ARHGAP24: variants seen among roughly 807,000 people sequenced by gnomAD.
ARHGAP24 encodes the protein Rho GTPase activating protein 24, also known as rho GTPase-activating protein 24.
In ARHGAP24, 50 loss-of-function variants were observed where a neutral mutation model predicts 76.4. The observed-to-expected ratio is 0.65, with a 90% CI of 0.52 to 0.83. ARHGAP24 has a LOEUF of 0.83. Ranked by LOEUF, ARHGAP24 falls within the 40% of genes least tolerant of loss-of-function variation. The pLI is 0.00. For missense variants in ARHGAP24, 930 were observed against 914.2 expected, an observed-to-expected ratio of 1.02 and a Z score of -0.22; for synonymous variants, 345 against 323.3, an observed-to-expected ratio of 1.07 and a Z score of -0.72.
intron 3 of ARHGAP24, among the ~76,000 whole-genome samples, chr4:85,858,655 G>T (rs1237030445): frequency 1.3e-5 from 2 of 152,032 alleles, no homozygotes; most frequent in Non-Finnish European, 2.9e-5. Flanking sequence ...CTTTGCCTCT[G>T]TAGACAAGAT....
At chr4:85,559,136 A>C (rs72654093) in intron 1 of ARHGAP24, among the ~76,000 whole-genome samples, 6,844 of 152,266 alleles carry the variant, frequency 0.045, 203 homozygotes, top group Middle Eastern at 0.099. Flanking sequence ...TACGGGCTTC[A>C]GCTTTCCTCT....
At chr4:85,854,149 A>G (rs929405410) in intron 3 of ARHGAP24, among the ~76,000 whole-genome samples, 12 of 151,512 alleles carry the variant, frequency 7.9e-5, no homozygotes, top group East Asian at 5.8e-4. Context: ...AAAAAAAAAA[A>G]AAAAAAGAAA....
At chr4:85,573,717 A>G (rs2109965887) in intron 2 of ARHGAP24, among the ~76,000 whole-genome samples, 1 of 152,258 alleles carries the variant, frequency 6.6e-6, no homozygotes, top group South Asian at 2.1e-4. Context: ...GTCATTTTGT[A>G]TTTGTGTGTT....
intron 4 of ARHGAP24, among the ~76,000 whole-genome samples, chr4:85,932,733 A>G (rs1244735711): frequency 6.6e-6 from 1 of 152,128 alleles, no homozygotes; most frequent in East Asian, 1.9e-4. Context: ...TTTATTTACA[A>G]AGCTGTATTC....
At chr4:85,728,497 T>C (rs140482834) in intron 3 of ARHGAP24, among the ~76,000 whole-genome samples, 1,998 of 152,322 alleles carry the variant, frequency 0.013, 37 homozygotes, top group African/African-American at 0.045. Context: ...TTATCTGTTA[T>C]ACCAATCAGT....
intron 2 of ARHGAP24, among the ~76,000 whole-genome samples, chr4:85,714,237 T>G (rs1724645864): frequency 6.6e-6 from 1 of 152,112 alleles, no homozygotes; most frequent in Admixed American, 6.6e-5. Context: ...GGGTAAAGGA[T>G]CCTCCGGTCT....
chr4:85,498,130 T>C (rs1427720461), intron 1 of ARHGAP24, among the ~76,000 whole-genome samples: 1 of 152,228 alleles, frequency 6.6e-6, no homozygotes, highest in African/African-American at 2.4e-5. Context: ...GAGATTTTTG[T>C]GAGGAAACAA....
intron 2 of ARHGAP24, among the ~76,000 whole-genome samples, chr4:85,717,101 G>C (rs747409516): frequency 6.6e-6 from 1 of 152,082 alleles, no homozygotes; most frequent in Non-Finnish European, 1.5e-5. Flanking sequence ...TTTACTAAGA[G>C]AGAATTTTAA....
At chr4:85,956,255 A>T (rs891248679) in intron 5 of ARHGAP24, among the ~76,000 whole-genome samples, 2 of 152,264 alleles carry the variant, frequency 1.3e-5, no homozygotes, top group Non-Finnish European at 2.9e-5. Context: ...GAGAGGGGCT[A>T]GCCCCTAAAA....
At chr4:85,861,225 A>G (rs186540906) in intron 3 of ARHGAP24, among the ~76,000 whole-genome samples, 1 of 152,092 alleles carries the variant, frequency 6.6e-6, no homozygotes, top group Admixed American at 6.6e-5. Flanking sequence ...TGGTGATTAT[A>G]TTTTTCCTAT....
At chr4:85,788,311 T>C (rs1727951339) in intron 3 of ARHGAP24, among the ~76,000 whole-genome samples, 1 of 152,230 alleles carries the variant, frequency 6.6e-6, no homozygotes, top group African/African-American at 2.4e-5. Flanking sequence ...TTATGTCTTA[T>C]ACACCTGGTT....
intron 3 of ARHGAP24, among the ~76,000 whole-genome samples, chr4:85,851,643 G>A (rs890202713): frequency 6.6e-6 from 1 of 152,116 alleles, no homozygotes; most frequent in African/African-American, 2.4e-5. Flanking sequence ...AGGCAGGCCT[G>A]GTGGTGACAA....
At chr4:85,990,376 T>C (rs2148867170) in intron 8 of ARHGAP24, 1 of 151,986 alleles carries the variant, frequency 6.6e-6, no homozygotes, top group South Asian at 2.1e-4. Flanking sequence ...CCTATAGTTT[T>C]AATATAATTG....
At chr4:85,713,021 G>C (rs1211728617) in intron 2 of ARHGAP24, among the ~76,000 whole-genome samples, 3 of 152,174 alleles carry the variant, frequency 2.0e-5, no homozygotes, top group African/African-American at 7.2e-5. Context: ...GTCTAGGCTG[G>C]GCGTGGTGGC....
chr4:85,867,898 C>CATATATATAT (rs113874290), intron 3 of ARHGAP24, among the ~76,000 whole-genome samples: 2,418 of 106,676 alleles, frequency 0.023, 58 homozygotes, highest in East Asian at 0.052. Flanking sequence ...TGTGTGTGTA[C>CATATATATAT]ATATATATAT....
intron 3 of ARHGAP24, among the ~76,000 whole-genome samples, chr4:85,757,864 C>T (rs1726573408): frequency 6.6e-6 from 1 of 152,168 alleles, no homozygotes; most frequent in Non-Finnish European, 1.5e-5. Context: ...TTCTCCACAT[C>T]CTCTCCAGCA....
rs59862953 is a variant in ARHGAP24, at chr4:85,730,066, A to G, written c.268+8094A>G. ...ATCATGATTCAGGAACTATTTGCCA[A>G]TATTTTTATTTAGAAGTTCCATCTC... On this transcript the variant is annotated intron_variant, in intron 3 of 9. Transcript: ENST00000395184. 1.0e-2 allele frequency among the ~76,000 whole-genome samples: 1,516 copies of G among 152,282 alleles called. 25 individuals carry two copies. The highest frequency in any genetic ancestry group is 0.034 in the African/African-American group (1,413 of 41,550).
intron 8 of ARHGAP24, among the ~76,000 whole-genome samples, chr4:85,993,556 G>A (rs1393458058): frequency 6.6e-6 from 1 of 152,150 alleles, no homozygotes; most frequent in African/African-American, 2.4e-5. Flanking sequence ...GAGTGGCCTT[G>A]CCTCAGGTCA....
intron 6 of ARHGAP24, among the ~76,000 whole-genome samples, chr4:85,974,295 T>C (rs1298996925): frequency 6.6e-6 from 1 of 152,230 alleles, no homozygotes; most frequent in Non-Finnish European, 1.5e-5. Flanking sequence ...AAATATTTAC[T>C]ATCTGGACCT....
Sources: gnomAD v4.1 joint callset for allele counts (sites outside exome capture counted in the v4.1 genomes callset) on GRCh38, gnomAD v4.1.1 for gene constraint, MANE v1.5 for transcripts, NCBI Gene and HGNC (gene_info 2026-07-23, HGNC 2026-07-21) for gene names.